The following TIAM2 variants were observed in gnomAD, a reference collection of about 807,000 sequenced individuals.
TIAM2 encodes rho guanine nucleotide exchange factor TIAM2.
TIAM2 carries 80 observed loss-of-function variants against 152.9 expected under a neutral mutation model. The observed-to-expected ratio is 0.52, with a 90% CI of 0.44 to 0.63. TIAM2 has a LOEUF of 0.63. Among genes scored for constraint, TIAM2 ranks in the 30% least tolerant of loss-of-function variants. The pLI is 0.00. For missense variants in TIAM2, 1,965 were observed against 2,120.1 expected (o/e 0.93, Z 1.44); for synonymous variants, 804 against 838.0 (o/e 0.96, Z 0.70).
At position 155,161,568 on chromosome 6, in the gene TIAM2, CT is replaced by C. The variant is rs575970529; in HGVS notation, c.2029-2832del. Among the ~76,000 whole-genome samples the C allele has an allele frequency of 4.5e-3, 622 of 137,446 alleles. 5 individuals are homozygous for C. The highest frequency in any genetic ancestry group is 0.012 in the African/African-American group (451 of 37,554). 90.2% of individuals were successfully genotyped at this position (137,446 alleles called of 152,430 possible). Reference sequence around the variant, plus strand: ...AGACCTGAATTTTATTTTATTTTGTCTTTTTTTTTTTTTTTCTGAGATGGAG... The same window carrying C: ...AGACCTGAATTTTATTTTATTTTGTCTTTTTTTTTTTTTTCTGAGATGGAG... On this transcript the variant is annotated intron_variant, in intron 7 of 26. Transcript: ENST00000682666.
chr6:155,051,254 C>T (rs1284047641), intron 1 of TIAM2, among the ~76,000 whole-genome samples: 4 of 152,088 alleles, frequency 2.6e-5, no homozygotes, highest in East Asian at 1.9e-4. Flanking sequence ...AGGCCAAGTC[C>T]GGAAGGCACA....
chr6:155,045,113 C>A lies in TIAM2; in HGVS notation c.-208-45176C>A, dbSNP rs193166178. Among the ~76,000 whole-genome samples, 614 of 145,400 alleles carry A rather than the reference C, an allele frequency of 4.2e-3. 3 individuals carry two copies. The highest frequency in any genetic ancestry group is 0.015 in the African/African-American group (579 of 38,886). On this transcript the variant is annotated intron_variant, in intron 1 of 26. Transcript: ENST00000682666. ...TTGCCTGGGCTGGAGTGCAGTGGCGCGATCTCGGCTCACTGCAGCCTCTGC... is the reference window on the plus strand; with the variant it reads ...TTGCCTGGGCTGGAGTGCAGTGGCGAGATCTCGGCTCACTGCAGCCTCTGC...
At chr6:155,030,084 T>C (rs953420662) in intron 1 of TIAM2, among the ~76,000 whole-genome samples, 1 of 152,156 alleles carries the variant, frequency 6.6e-6, no homozygotes, top group East Asian at 1.9e-4. Context: ...TGAGCCACTG[T>C]GCCTTTGTTG....
In TIAM2 at chr6:155,240,585, G is replaced by C; in HGVS notation, c.3224G>C (p.Gly1075Ala). The change falls in exon 16 of 27, where the codon GGC becomes GCC. Residue 1075 changes from glycine to alanine, a missense_variant. By Grantham distance (60) the Gly-to-Ala change is moderately conservative. Transcript: ENST00000682666. Reference sequence around the variant, plus strand: ...AGTTTTAACGACAGTCAGGCCAACGGCATGGAAGGACCGCGGGAGAATCAG... The same window carrying C: ...AGTTTTAACGACAGTCAGGCCAACGCCATGGAAGGACCGCGGGAGAATCAG... ...CRSFNDSQAN[G>A]MEGPRENQDP... 1.2e-6 allele frequency: 2 copies of C among 1,614,120 alleles called. No homozygotes were observed. The highest frequency in any genetic ancestry group is 1.7e-6 in the Non-Finnish European group (2 of 1,180,046).
At chr6:155,053,344 T>G (rs972568488) in intron 1 of TIAM2, among the ~76,000 whole-genome samples, 3 of 152,186 alleles carry the variant, frequency 2.0e-5, no homozygotes, top group Admixed American at 6.5e-5. Flanking sequence ...GTTTTCTGTT[T>G]TTGTCTCGTC....
chr6:155,002,426 T>A (rs998514943), intron 1 of TIAM2, among the ~76,000 whole-genome samples: 1 of 152,042 alleles, frequency 6.6e-6, no homozygotes, highest in African/African-American at 2.4e-5. Context: ...AAAATAAAAT[T>A]AGCATAATAT....
At position 155,248,037 on chromosome 6, in the gene TIAM2, C is replaced by T; in HGVS notation, c.3690C>T (p.Ala1230=). 1 of 1,614,190 alleles carries T rather than the reference C, an allele frequency of 6.2e-7. No individual in the cohort carries two copies. ...AAGCCTTCAAGGCTTTTCTGGACGC[C>T]CGGAACCCCACCAAGCAGCATTCCT... ...TDKAFKAFLD[A]RNPTKQHSST... The change falls in exon 20 of 27, where the codon GCC becomes GCT. Residue 1230 remains alanine, a synonymous_variant. Coordinates refer to ENST00000682666, the MANE Select transcript of TIAM2 (RefSeq NM_012454.4).
chr6:155,100,008 A>G (rs1778519042), intron 2 of TIAM2, among the ~76,000 whole-genome samples: 1 of 151,968 alleles, frequency 6.6e-6, no homozygotes, highest in Non-Finnish European at 1.5e-5. Flanking sequence ...CAGTAAAAAT[A>G]TGGTATCATA....
At chr6:155,112,301 A>AT (rs199615111) in intron 2 of TIAM2, among the ~76,000 whole-genome samples, 1,986 of 150,676 alleles carry the variant, frequency 0.013, 18 homozygotes, top group Non-Finnish European at 0.021. Flanking sequence ...AATTTTTGTA[A>AT]TTTTTTTTAG....
chr6:155,023,697 C>T (rs540521633), intron 1 of TIAM2, among the ~76,000 whole-genome samples: 6 of 152,136 alleles, frequency 3.9e-5, no homozygotes, highest in Non-Finnish European at 7.3e-5. Flanking sequence ...AGTCAGCTTT[C>T]CTTGCAGGCG....
chr6:155,215,299 G>C (rs1781826697), intron 15 of TIAM2, among the ~76,000 whole-genome samples: 1 of 152,220 alleles, frequency 6.6e-6, no homozygotes, highest in Non-Finnish European at 1.5e-5. Flanking sequence ...ATTTAGAAGA[G>C]GAGAGAAAGC....
chr6:155,061,617 C>G (rs1440253420), intron 1 of TIAM2, among the ~76,000 whole-genome samples: 1 of 152,206 alleles, frequency 6.6e-6, no homozygotes, highest in African/African-American at 2.4e-5. Flanking sequence ...GTCTACAGGG[C>G]AGTGTTTGTG....
At chr6:155,179,513 GC>G in intron 12 of TIAM2, 57 bp downstream of exon 12, 1 of 1,506,660 alleles carries the variant, frequency 6.6e-7, no homozygotes, top group Non-Finnish European at 8.9e-7. Context: ...TGCCTACTTT[GC>G]CCCAGCATCT....
Position 155,055,065 on chromosome 6 carries a change from G to A in TIAM2, c.-208-35224G>A, listed in dbSNP as rs150872790. 2.0e-5 allele frequency among the ~76,000 whole-genome samples: 3 copies of A among 152,286 alleles called. No homozygotes were observed. In the East Asian group the frequency reaches 5.8e-4, roughly 29 times the overall value. On this transcript the variant is annotated intron_variant, in intron 1 of 26. Transcript: ENST00000682666. ...ATTTTTGGCTGTGGAACTGCGATCTGGAGCCATTTCCTTCACTTGGGGAGT... is the reference window on the plus strand; with the variant it reads ...ATTTTTGGCTGTGGAACTGCGATCTAGAGCCATTTCCTTCACTTGGGGAGT...
At position 155,218,090 on chromosome 6, in the gene TIAM2, C is replaced by G. The variant is rs577770082; in HGVS notation, c.3168+6783C>G. Among the ~76,000 whole-genome samples the G allele has an allele frequency of 6.6e-6, 1 of 152,178 alleles. No individual in the cohort carries two copies. The highest frequency in any genetic ancestry group is 6.5e-5 in the Admixed American group (1 of 15,282). On this transcript the variant is annotated intron_variant, in intron 15 of 26. Coordinates refer to ENST00000682666, the MANE Select transcript of TIAM2 (RefSeq NM_012454.4). This position sits in a 1 kb window ranked among gnomAD's most constrained non-coding sequence, Gnocchi z 4.5. The stretch of plus-strand genomic sequence containing the variant: ...TGGTGTATACTTGCCTGCATTATTG[C>G]AAGATCTTTTTGGTTATGTTTTTGT...
In TIAM2 at chr6:155,131,672, C is replaced by T. The variant is rs188125064; in HGVS notation, c.1194+1255C>T. On this transcript the variant is annotated intron_variant, in intron 4 of 26. Transcript: ENST00000682666. Reference sequence around the variant, plus strand: ...TTGGCTCACTGCAACCTCTGCCTCCCGTGTCCAAGCGATTCTGCTGCCTCA... The same window carrying T: ...TTGGCTCACTGCAACCTCTGCCTCCTGTGTCCAAGCGATTCTGCTGCCTCA... Among the ~76,000 whole-genome samples, 892 of 151,882 alleles carry T rather than the reference C, an allele frequency of 5.9e-3. 1 individual carries two copies. The highest frequency in any genetic ancestry group is 0.01 in the Non-Finnish European group (705 of 67,968).
chr6:155,217,935 A>C (rs12665828), intron 15 of TIAM2, among the ~76,000 whole-genome samples: 3 of 152,118 alleles, frequency 2.0e-5, no homozygotes, highest in Admixed American at 6.5e-5. Context: ...ACTTGGCTTA[A>C]CCTTTTGAGT....
rs1234956878 is a variant in TIAM2, at chr6:155,104,046, C to G, written c.-118+13667C>G. On this transcript the variant is annotated intron_variant, in intron 2 of 26. Transcript: ENST00000682666. ...ATTTACCTCACACACACACACCCCC[C>G]CCCCCACACCCCCACACACCCCCAC... is the stretch of plus-strand genomic sequence containing the variant. 2.1e-5 allele frequency among the ~76,000 whole-genome samples: 2 copies of G among 93,662 alleles called. 1 individual carries two copies. 61.4% of individuals were successfully genotyped at this position (93,662 alleles called of 152,430 possible). A position where few individuals can be genotyped will look rare whatever the true frequency, so the allele number is the denominator to read the frequency against.
intron 15 of TIAM2, among the ~76,000 whole-genome samples, chr6:155,227,781 A>C (rs983145358): frequency 6.6e-6 from 1 of 152,226 alleles, no homozygotes; most frequent in African/African-American, 2.4e-5. Context: ...ATAGAGATCC[A>C]AGGCTTATGT....
Sources: allele counts gnomAD v4.1 joint callset (sites outside exome capture counted in the v4.1 genomes callset), GRCh38; gene constraint gnomAD v4.1.1; non-coding constraint Gnocchi (gnomAD v3.1); transcripts MANE v1.5; gene names NCBI Gene and HGNC (gene_info 2026-07-23, HGNC 2026-07-21).